GRIK2: variants seen among roughly 807,000 people sequenced by gnomAD.
The protein encoded by GRIK2 is glutamate receptor ionotropic, kainate 2.
In GRIK2, 32 loss-of-function variants were observed where a neutral mutation model predicts 100.3. The observed-to-expected ratio is 0.32, with a 90% CI of 0.24 to 0.43. The LOEUF (loss-of-function observed/expected upper bound fraction) is 0.43. Among genes scored for constraint, GRIK2 ranks in the 20% least tolerant of loss-of-function variants. GRIK2 has a pLI of 1.00. For missense variants in GRIK2, 843 were observed against 1,114.9 expected, an observed-to-expected ratio of 0.76 and a Z score of 3.47; for synonymous variants, 417 against 389.4, an observed-to-expected ratio of 1.07 and a Z score of -0.83.
At chr6:101,782,618 C>T (rs542453581) in intron 7 of GRIK2, among the ~76,000 whole-genome samples, 7 of 152,230 alleles carry the variant, frequency 4.6e-5, no homozygotes, top group Non-Finnish European at 8.8e-5. Flanking sequence ...CTGATGAACA[C>T]TTAGGTTGAT....
At chr6:101,430,285 G>C (rs1769304156) in intron 2 of GRIK2, 1 of 153,456 alleles carries the variant, frequency 6.5e-6, no homozygotes, top group Non-Finnish European at 1.5e-5. Flanking sequence ...ATCCAGTGCT[G>C]GTAATCAGAT....
chr6:101,596,943 TG>T (rs1421129634), intron 2 of GRIK2, among the ~76,000 whole-genome samples: 5 of 151,914 alleles, frequency 3.3e-5, no homozygotes, highest in Non-Finnish European at 7.4e-5. Flanking sequence ...TGCACTTATA[TG>T]TTAATCACAG....
chr6:102,048,990 A>T (rs1392560809), intron 15 of GRIK2, among the ~76,000 whole-genome samples: 1 of 152,078 alleles, frequency 6.6e-6, no homozygotes, highest in African/African-American at 2.4e-5. Flanking sequence ...GGGTTCTATT[A>T]AGGAAGAACA....
At chr6:102,023,044 GTTAAGAGA>G (rs992605705) in intron 14 of GRIK2, among the ~76,000 whole-genome samples, 4 of 151,384 alleles carry the variant, frequency 2.6e-5, no homozygotes, top group African/African-American at 9.7e-5. Context: ...TGCAGGAGTG[GTTAAGAGA>G]ATGGCATACT....
At chr6:101,744,968 C>T (rs1776336935) in intron 7 of GRIK2, 1 of 151,982 alleles carries the variant, frequency 6.6e-6, no homozygotes, top group African/African-American at 2.4e-5. Flanking sequence ...CTGTTTAATT[C>T]TAAGCTTCCT....
chr6:101,732,658 AT>A (rs1775356338), intron 7 of GRIK2, among the ~76,000 whole-genome samples: 1 of 152,116 alleles, frequency 6.6e-6, no homozygotes, highest in Admixed American at 6.6e-5. Flanking sequence ...TTATTTTTGC[AT>A]TTTGGAAAGA....
intron 2 of GRIK2, among the ~76,000 whole-genome samples, chr6:101,593,947 T>C (rs1258042786): frequency 6.6e-6 from 1 of 151,836 alleles, no homozygotes; most frequent in Non-Finnish European, 1.5e-5. Context: ...TATCCAGGGA[T>C]GCTTACATCA....
At chr6:101,787,863 C>T (rs181856788) in intron 7 of GRIK2, among the ~76,000 whole-genome samples, 136 of 152,162 alleles carry the variant, frequency 8.9e-4, no homozygotes, top group African/African-American at 2.5e-3. Context: ...GATTTTCTAC[C>T]TAGATGAGCT....
At chr6:101,845,755 T>C (rs973452942) in intron 10 of GRIK2, among the ~76,000 whole-genome samples, 1 of 152,196 alleles carries the variant, frequency 6.6e-6, no homozygotes, top group African/African-American at 2.4e-5. Flanking sequence ...TTATAGCAGC[T>C]GCACAATTTC....
intron 2 of GRIK2, among the ~76,000 whole-genome samples, chr6:101,570,606 T>A (rs988876500): frequency 6.6e-6 from 1 of 152,170 alleles, no homozygotes; most frequent in Non-Finnish European, 1.5e-5. Context: ...TAAGAAGTTC[T>A]TCCATGTACC....
At chr6:102,063,400 TA>T (rs1290321041) in intron 16 of GRIK2, among the ~76,000 whole-genome samples, 1 of 150,760 alleles carries the variant, frequency 6.6e-6, no homozygotes. Context: ...TGAATACATA[TA>T]TTCAAAAAGA....
intron 2 of GRIK2, among the ~76,000 whole-genome samples, chr6:101,577,576 A>C (rs1291154072): frequency 1.3e-5 from 2 of 152,138 alleles, no homozygotes; most frequent in Admixed American, 1.3e-4. Context: ...TTTTACAAAA[A>C]TAGTCAATAA....
intron 10 of GRIK2, among the ~76,000 whole-genome samples, chr6:101,854,974 G>T (rs557120456): frequency 5.7e-4 from 86 of 152,196 alleles, no homozygotes; most frequent in South Asian, 2.9e-3. Flanking sequence ...CCAAAGGAAA[G>T]ATTTTATATT....
chr6:101,825,316 T>C (rs1460327688), intron 10 of GRIK2, among the ~76,000 whole-genome samples: 3 of 152,158 alleles, frequency 2.0e-5, no homozygotes, highest in African/African-American at 7.2e-5. Context: ...TCTTTCATTC[T>C]TGCTCTGATA....
chr6:101,569,095 G>A (rs1777417822), intron 2 of GRIK2, among the ~76,000 whole-genome samples: 2 of 151,980 alleles, frequency 1.3e-5, no homozygotes, highest in African/African-American at 2.4e-5. Flanking sequence ...AGAGACTTCT[G>A]AAATTGCAAA....
chr6:101,644,913 G>T (rs1264719486), intron 4 of GRIK2, among the ~76,000 whole-genome samples: 1 of 151,740 alleles, frequency 6.6e-6, no homozygotes, highest in African/African-American at 2.4e-5. Flanking sequence ...TCAAAAGTCA[G>T]TTATCAGTTT....
chr6:101,612,462 T>A (rs1055463664), intron 2 of GRIK2, among the ~76,000 whole-genome samples: 3 of 151,878 alleles, frequency 2.0e-5, no homozygotes, highest in African/African-American at 7.2e-5. Flanking sequence ...TGTCAATAAA[T>A]GTTGACTGTT....
At chr6:101,865,611 G>A (rs1329753169) in intron 11 of GRIK2, among the ~76,000 whole-genome samples, 1 of 152,128 alleles carries the variant, frequency 6.6e-6, no homozygotes, top group Non-Finnish European at 1.5e-5. Flanking sequence ...AAAAGGCTAG[G>A]CGTCGTGACT....
At chr6:101,816,890 T>A (rs977972879) in intron 9 of GRIK2, among the ~76,000 whole-genome samples, 1 of 152,072 alleles carries the variant, frequency 6.6e-6, no homozygotes, top group Non-Finnish European at 1.5e-5. Flanking sequence ...GGCACACAGC[T>A]GTTGGAAAAG....
Sources: allele counts gnomAD v4.1 joint callset (sites outside exome capture counted in the v4.1 genomes callset), GRCh38; gene constraint gnomAD v4.1.1; transcripts MANE v1.5; gene names NCBI Gene and HGNC (gene_info 2026-07-23, HGNC 2026-07-21).